ULK4: variants seen among roughly 807,000 people sequenced by gnomAD.
ULK4 encodes the protein unc-51 like kinase 4.
Under a neutral mutation model 160.6 loss-of-function variants are expected in ULK4, and 133 were observed. That is an observed-to-expected ratio of 0.83 (90% CI 0.72 to 0.96). The LOEUF is 0.96. Ranked by LOEUF, ULK4 falls within the 40% of genes least tolerant of loss-of-function variation. The pLI is 0.00. For synonymous variants in ULK4, 534 were observed against 539.8 expected (o/e 0.99, Z 0.15); for missense variants, 1,580 against 1,499.5 (o/e 1.05, Z -0.89).
At chr3:41,917,973 C>T (rs1699028672) in intron 7 of ULK4, among the ~76,000 whole-genome samples, 1 of 151,290 alleles carries the variant, frequency 6.6e-6, no homozygotes, top group South Asian at 2.1e-4. Flanking sequence ...GGCAACAGAG[C>T]AAGACTCTGT....
At chr3:41,622,755 T>G (rs1466462812) in intron 30 of ULK4, among the ~76,000 whole-genome samples, 2 of 152,092 alleles carry the variant, frequency 1.3e-5, no homozygotes, top group Non-Finnish European at 2.9e-5. Flanking sequence ...ACCCCCAAAC[T>G]TAAAATTTAA....
intron 32 of ULK4, among the ~76,000 whole-genome samples, chr3:41,517,828 T>G (rs1425435835): frequency 6.6e-6 from 1 of 152,182 alleles, no homozygotes; most frequent in Non-Finnish European, 1.5e-5. Flanking sequence ...TTTTGTCATG[T>G]GTACAGAGAG....
rs778643715 is a variant in ULK4, at chr3:41,911,602, A to C, written c.954T>G (p.Ser318=). 288 of 1,613,908 alleles carry C rather than the reference A, an allele frequency of 1.8e-4. No homozygotes were observed. The highest frequency in any genetic ancestry group is 2.3e-4 in the Non-Finnish European group (267 of 1,180,034). The change falls in exon 10 of 37, where the codon TCT becomes TCG. Residue 318 remains serine, a synonymous_variant. Transcript: ENST00000301831. ...PQDSKELLQN[S]QSRQAKGHKS... is the part of the protein sequence containing the mutation. ...TGTGCCCTTTTGCTTGTCTACTCTG[A>C]GAGTTCTGCAAAAGCTCCTTGGAAT... is the stretch of plus-strand genomic sequence containing the variant.
Position 41,641,412 on chromosome 3 carries a change from C to T in ULK4, c.3071+22195G>A, listed in dbSNP as rs929464712. ...TAGTTTGCTTCAAGAAACAGCTACACCAGGCCAGGCACGGTGGCTCATGAC... is the reference window on the plus strand; with the variant it reads ...TAGTTTGCTTCAAGAAACAGCTACATCAGGCCAGGCACGGTGGCTCATGAC... On this transcript the variant is annotated intron_variant, in intron 30 of 36. Coordinates refer to ENST00000301831, the MANE Select transcript of ULK4 (RefSeq NM_017886.4). 1.3e-4 allele frequency among the ~76,000 whole-genome samples: 20 copies of T among 152,132 alleles called. 1 individual carries two copies. Among genetic ancestry groups the T allele is most frequent in the African/African-American group, 4.6e-4 (19 of 41,410 alleles).
intron 35 of ULK4, among the ~76,000 whole-genome samples, chr3:41,327,021 G>A (rs1376306429): frequency 6.6e-6 from 1 of 152,194 alleles, no homozygotes; most frequent in Non-Finnish European, 1.5e-5. Context: ...TGGTAACATT[G>A]CATTTACATG....
chr3:41,536,081 C>A (rs2125946351), intron 32 of ULK4, among the ~76,000 whole-genome samples: 1 of 152,326 alleles, frequency 6.6e-6, no homozygotes, highest in South Asian at 2.1e-4. Context: ...CCCACCCACT[C>A]CAGCTCCTGA....
chr3:41,947,486 C>A (rs564178631), intron 2 of ULK4, among the ~76,000 whole-genome samples: 6 of 152,108 alleles, frequency 3.9e-5, no homozygotes, highest in Non-Finnish European at 7.4e-5. Context: ...ATTATTTTCT[C>A]GGCTTACCCT....
intron 22 of ULK4, among the ~76,000 whole-genome samples, chr3:41,720,909 T>C (rs1176726543): frequency 6.6e-6 from 1 of 152,160 alleles, no homozygotes; most frequent in Non-Finnish European, 1.5e-5. Flanking sequence ...ACATATGATA[T>C]GACACATACA....
chr3:41,407,595 T>C (rs1287634383), intron 34 of ULK4, among the ~76,000 whole-genome samples: 2 of 152,184 alleles, frequency 1.3e-5, no homozygotes, highest in East Asian at 1.9e-4. Flanking sequence ...CAATGTTCTA[T>C]GCAATAGCAA....
At chr3:41,794,190 G>A (rs998509766) in intron 20 of ULK4, among the ~76,000 whole-genome samples, 7 of 152,150 alleles carry the variant, frequency 4.6e-5, no homozygotes, top group African/African-American at 1.7e-4. Flanking sequence ...CTGACAGGCA[G>A]GAAATACAGA....
At chr3:41,442,233 A>C (rs2083188500) in intron 34 of ULK4, among the ~76,000 whole-genome samples, 1 of 152,208 alleles carries the variant, frequency 6.6e-6, no homozygotes, top group African/African-American at 2.4e-5. Flanking sequence ...GAGGAGGTAG[A>C]AATTTAATAT....
intron 21 of ULK4, among the ~76,000 whole-genome samples, chr3:41,770,707 C>G (rs1437164820): frequency 6.6e-6 from 1 of 151,838 alleles, no homozygotes; most frequent in African/African-American, 2.4e-5. Context: ...GAGACAGGGT[C>G]TCGCCATGTT....
In ULK4 at chr3:41,599,627, C is replaced by T. The variant is rs532094777; in HGVS notation, c.3120+16042G>A. ...TCACCCAGGCTAGAGTTCAGTGGCG[C>T]GATCTCGGCTCACTGCAACCTTCAC... On this transcript the variant is annotated intron_variant, in intron 31 of 36. Coordinates refer to ENST00000301831, the MANE Select transcript of ULK4 (RefSeq NM_017886.4). Among the ~76,000 whole-genome samples the T allele has an allele frequency of 1.6e-3, 236 of 147,104 alleles. 2 individuals carry two copies. The highest frequency in any genetic ancestry group is 5.8e-3 in the Admixed American group (85 of 14,588).
chr3:41,915,531 A>G (rs1400637343), intron 8 of ULK4: 1 of 156,822 alleles, frequency 6.4e-6, no homozygotes, highest in Non-Finnish European at 1.4e-5. Context: ...TTATCCTATC[A>G]CTTAATAGCC....
chr3:41,765,034 T>A (rs892003505), intron 21 of ULK4, among the ~76,000 whole-genome samples: 2 of 152,176 alleles, frequency 1.3e-5, no homozygotes, highest in African/African-American at 4.8e-5. Flanking sequence ...AAATACCATT[T>A]GACCCAGCCA....
rs527767840 is a variant in ULK4 at position 41,775,011 on chromosome 3, G to C, written c.2193+14650C>G. Among the ~76,000 whole-genome samples the C allele has an allele frequency of 1.4e-4, 20 of 146,188 alleles. 1 individual carries two copies. The highest frequency in any genetic ancestry group is 4.2e-4 in the African/African-American group (16 of 37,934). On this transcript the variant is annotated intron_variant, in intron 21 of 36. Coordinates refer to ENST00000301831, the MANE Select transcript of ULK4 (RefSeq NM_017886.4). ...ACCGCATGTTCTCACTCATAGGTGGGAATTGAACAATGGGAACACATGGAC... is the reference window on the plus strand; with the variant it reads ...ACCGCATGTTCTCACTCATAGGTGGCAATTGAACAATGGGAACACATGGAC...
intron 35 of ULK4, among the ~76,000 whole-genome samples, chr3:41,305,850 T>TG (rs1174002337): frequency 3.7e-5 from 5 of 135,700 alleles, no homozygotes; most frequent in African/African-American, 1.5e-4. Flanking sequence ...GTCTGAGATG[T>TG]GGGGAGCGCC....
intron 32 of ULK4, among the ~76,000 whole-genome samples, chr3:41,510,986 C>G (rs1453446013): frequency 6.6e-6 from 1 of 151,826 alleles, no homozygotes; most frequent in East Asian, 1.9e-4. Context: ...CACGGTGAAA[C>G]CCCACCTCTA....
chr3:41,264,560 G>A (rs574628354), intron 35 of ULK4, among the ~76,000 whole-genome samples: 1 of 152,292 alleles, frequency 6.6e-6, no homozygotes, highest in Admixed American at 6.5e-5. Context: ...CAGGAGAAGA[G>A]TCTGCCTCAT....
Sources: allele counts gnomAD v4.1 joint callset (sites outside exome capture counted in the v4.1 genomes callset), GRCh38; gene constraint gnomAD v4.1.1; transcripts MANE v1.5; gene names NCBI Gene and HGNC (gene_info 2026-07-23, HGNC 2026-07-21).